CNBD1: variants seen among roughly 807,000 people sequenced by gnomAD.
CNBD1 encodes cyclic nucleotide-binding domain-containing protein 1.
CNBD1 carries 71 observed loss-of-function variants against 54.4 expected under a neutral mutation model. That is an observed-to-expected ratio of 1.30 (90% CI 1.08 to 1.59). The LOEUF is 1.59. Ranked by LOEUF, CNBD1 falls within the 40% of genes most tolerant of loss-of-function variation. CNBD1 has a pLI of 0.00. For missense variants in CNBD1, 659 were observed against 518.0 expected, an observed-to-expected ratio of 1.27 and a Z score of -2.64; for synonymous variants, 182 against 170.7, an observed-to-expected ratio of 1.07 and a Z score of -0.51.
chr8:86,918,069 T>G (rs897994878), intron 3 of CNBD1, among the ~76,000 whole-genome samples: 2 of 152,184 alleles, frequency 1.3e-5, no homozygotes, highest in African/African-American at 4.8e-5. Context: ...ATTAAAATAC[T>G]TATTTAAACT....
At chr8:86,869,859 T>A (rs1370340507) in intron 1 of CNBD1, among the ~76,000 whole-genome samples, 1 of 152,172 alleles carries the variant, frequency 6.6e-6, no homozygotes, top group Admixed American at 6.5e-5. Context: ...TTTTAAAAAA[T>A]TTTTAATGGA....
intron 4 of CNBD1, among the ~76,000 whole-genome samples, chr8:87,183,219 G>A (rs1039142034): frequency 2.0e-5 from 3 of 152,104 alleles, no homozygotes; most frequent in African/African-American, 7.2e-5. Context: ...TAGGTGCACA[G>A]CTTTATGTCT....
chr8:86,929,859 A>G (rs1809426907), intron 3 of CNBD1, among the ~76,000 whole-genome samples: 1 of 152,172 alleles, frequency 6.6e-6, no homozygotes, highest in Non-Finnish European at 1.5e-5. Flanking sequence ...GCCGTTTGCT[A>G]CTACATCAAT....
downstream of CNBD1, among the ~76,000 whole-genome samples, chr8:87,384,745 A>G (rs565058749): frequency 5.9e-5 from 9 of 152,208 alleles, no homozygotes; most frequent in East Asian, 1.7e-3. Context: ...ATATGACATT[A>G]TACCTCAGAC....
At position 87,207,453 on chromosome 8, in the gene CNBD1, GACACAC is replaced by G. The variant is rs35603569; in HGVS notation, c.577+1333_577+1338del. 1.6e-4 allele frequency among the ~76,000 whole-genome samples: 24 copies of G among 148,312 alleles called. No individual in the cohort carries two copies. In the East Asian group the frequency reaches 1.8e-3, roughly 11 times the overall value. On this transcript the variant is annotated intron_variant, in intron 5 of 10. Transcript: ENST00000518476. ...GAAAAAATCTAAATTTATGCACATA[GACACAC>G]ACACACACACACACACATAAACATA...
intron 8 of CNBD1, among the ~76,000 whole-genome samples, chr8:87,305,118 A>G (rs888103963): frequency 8.5e-5 from 13 of 152,140 alleles, no homozygotes; most frequent in African/African-American, 2.9e-4. Flanking sequence ...AACAATGACT[A>G]AGTGAAGAAT....
intron 3 of CNBD1, among the ~76,000 whole-genome samples, chr8:86,935,955 T>C (rs1200397238): frequency 1.3e-5 from 2 of 152,024 alleles, no homozygotes; most frequent in Non-Finnish European, 2.9e-5. Context: ...GAGACTAACC[T>C]GGCCAACATG....
At chr8:87,195,225 A>ATTTTT (rs35035648) in intron 4 of CNBD1, among the ~76,000 whole-genome samples, 2 of 119,776 alleles carry the variant, frequency 1.7e-5, no homozygotes, top group Non-Finnish European at 3.4e-5. Flanking sequence ...GAGAAAATTG[A>ATTTTT]TTTTTTTTTT....
chr8:87,284,871 C>T (rs1585983432), intron 7 of CNBD1, 56 bp downstream of exon 7: 1 of 1,227,370 alleles, frequency 8.1e-7, no homozygotes, highest in South Asian at 1.6e-5. Context: ...ACTCAAGCTA[C>T]ATTTTGATTC....
chr8:87,391,917 A>T (rs1811317673), intron 2 of CNBD1, among the ~76,000 whole-genome samples: 1 of 152,110 alleles, frequency 6.6e-6, no homozygotes, highest in African/African-American at 2.4e-5. Flanking sequence ...AGAATGTGAG[A>T]AAATTGCAGA....
chr8:87,097,909 T>C (rs960343109), intron 4 of CNBD1, among the ~76,000 whole-genome samples: 2 of 152,202 alleles, frequency 1.3e-5, no homozygotes, highest in African/African-American at 4.8e-5. Flanking sequence ...ATACAATCCT[T>C]GTAATGTTTT....
intron 4 of CNBD1, among the ~76,000 whole-genome samples, chr8:86,960,951 A>C (rs953836376): frequency 6.6e-6 from 1 of 152,256 alleles, no homozygotes; most frequent in South Asian, 2.1e-4. Flanking sequence ...ACTAACAAAC[A>C]GAACAATTTT....
intron 2 of CNBD1, among the ~76,000 whole-genome samples, chr8:86,903,332 AT>A (rs1001525950): frequency 2.6e-5 from 4 of 152,146 alleles, no homozygotes; most frequent in African/African-American, 9.7e-5. Flanking sequence ...TTGGAAATAA[AT>A]TTTTTATCCA....
chr8:87,228,830 C>A (rs1367315521), intron 5 of CNBD1, among the ~76,000 whole-genome samples: 1 of 152,186 alleles, frequency 6.6e-6, no homozygotes, highest in African/African-American at 2.4e-5. Flanking sequence ...GCGGGCGCCC[C>A]TCCTCCAGCC....
intron 4 of CNBD1, among the ~76,000 whole-genome samples, chr8:87,112,794 A>G (rs1811690457): frequency 6.6e-6 from 1 of 152,100 alleles, no homozygotes; most frequent in Admixed American, 6.6e-5. Flanking sequence ...CTGGCTACTG[A>G]GAAATTCAGT....
At chr8:87,290,779 A>G (rs1021753250) in intron 8 of CNBD1, among the ~76,000 whole-genome samples, 1 of 152,174 alleles carries the variant, frequency 6.6e-6, no homozygotes, top group African/African-American at 2.4e-5. Context: ...TGTAAGTTAA[A>G]AATGCAATCC....
In CNBD1 at chr8:87,206,834, C is replaced by A. The variant is rs528759905; in HGVS notation, c.577+696C>A. ...AAGATATTGCTATTATTATTCTCCA[C>A]AGATGAGGACCCCGAGGCACAAATA... On this transcript the variant is annotated intron_variant, in intron 5 of 10. Coordinates refer to ENST00000518476, the MANE Select transcript of CNBD1 (RefSeq NM_173538.3). Among the ~76,000 whole-genome samples, 5 of 152,256 alleles carry A rather than the reference C, an allele frequency of 3.3e-5. No individual in the cohort carries two copies. In the South Asian group the frequency reaches 1.0e-3, roughly 32 times the overall value.
At chr8:87,310,995 C>T (rs866642007) in intron 8 of CNBD1, among the ~76,000 whole-genome samples, 2 of 151,994 alleles carry the variant, frequency 1.3e-5, no homozygotes, top group Non-Finnish European at 2.9e-5. Flanking sequence ...AATATAAGAA[C>T]CCTAGGAGAA....
chr8:87,353,977 T>C, intron 10 of CNBD1, 191 bp downstream of exon 10: 2 of 424,396 alleles, frequency 4.7e-6, no homozygotes, highest in Non-Finnish European at 4.2e-6. Context: ...CACATGTTTG[T>C]AGAGTGGGCT....
Sources: gnomAD v4.1 joint callset for allele counts (sites outside exome capture counted in the v4.1 genomes callset) on GRCh38, gnomAD v4.1.1 for gene constraint, MANE v1.5 for transcripts, NCBI Gene and HGNC (gene_info 2026-07-23, HGNC 2026-07-21) for gene names.